CDK11B: variants seen among roughly 807,000 people sequenced by gnomAD.
CDK11B encodes cyclin dependent kinase 11B.
In CDK11B, 37 loss-of-function variants were observed where a neutral mutation model predicts 84.0. The ratio of observed to expected loss-of-function variants is 0.44; its 90% CI spans 0.34 to 0.58. CDK11B has a LOEUF of 0.58. CDK11B is among the 20% of genes least tolerant of loss of function. The pLI is 0.02. For synonymous variants in CDK11B, 269 were observed against 309.8 expected (o/e 0.87, Z 1.38); for missense variants, 427 against 834.0 (o/e 0.51, Z 6.01).
intron 4 of CDK11B, among the ~76,000 whole-genome samples, chr1:1,650,394 C>T (rs1641830868): frequency 8.3e-6 from 1 of 121,116 alleles, no homozygotes; most frequent in Non-Finnish European, 1.6e-5. Context: ...GAGATGGAGT[C>T]TTGCTCTGTC....
rs1491143452 is a variant in CDK11B, at chr1:1,654,660, T to TC, written c.227+708dup. The stretch of plus-strand genomic sequence containing the variant: ...CTTTATTTGTGCAAAATCTTTTTTT[T>TC]CCTTTTTTTTTTTTTAGAGGCGGGG... On this transcript the variant is annotated intron_variant, in intron 3 of 19. Coordinates refer to ENST00000341832, the MANE Select transcript of CDK11B (RefSeq NM_033486.3). Among the ~76,000 whole-genome samples, 8 of 129,052 alleles carry TC rather than the reference T, an allele frequency of 6.2e-5. No individual in the cohort carries two copies. The East Asian group carries it at 1.4e-3, about 23-fold the overall frequency. The allele number at this position is 129,052 out of a possible 152,430, so 84.7% of individuals were successfully genotyped here. A position where few individuals can be genotyped will look rare whatever the true frequency, so the allele number is the denominator to read the frequency against.
At chr1:1,638,846 A>G (rs1226926609) in intron 11 of CDK11B, among the ~76,000 whole-genome samples, 1 of 152,004 alleles carries the variant, frequency 6.6e-6, no homozygotes, top group African/African-American at 2.4e-5. Flanking sequence ...CAGGCCTGTA[A>G]TTCCAGCACT....
chr1:1,654,393 T>C (rs966896916), intron 3 of CDK11B, among the ~76,000 whole-genome samples: 3 of 152,338 alleles, frequency 2.0e-5, no homozygotes, highest in Admixed American at 6.5e-5. Context: ...ACCCTGATGA[T>C]GACCATGAGG....
intron 1 of CDK11B, among the ~76,000 whole-genome samples, chr1:1,658,179 A>C (rs1320156315): frequency 1.5e-4 from 23 of 149,932 alleles, no homozygotes; most frequent in Admixed American, 9.8e-4. Context: ...AGAAAAAAAA[A>C]CAAGAATGAT....
chr1:1,641,337 C>T (rs568745036), intron 9 of CDK11B, among the ~76,000 whole-genome samples: 3 of 147,670 alleles, frequency 2.0e-5, no homozygotes, highest in Admixed American at 1.3e-4. Context: ...GGTGAAACCC[C>T]GTCTCGACTA....
intron 6 of CDK11B, 39 bp downstream of exon 6, chr1:1,645,087 C>G (rs1375074940): frequency 1.1e-6 from 1 of 886,540 alleles, no homozygotes; most frequent in South Asian, 1.6e-5. Flanking sequence ...GCAGCAGACA[C>G]GCGTCCCGCC....
chr1:1,653,904 G>A (rs1484547986), intron 3 of CDK11B, among the ~76,000 whole-genome samples: 1 of 151,254 alleles, frequency 6.6e-6, no homozygotes. Context: ...AGCTACTCAG[G>A]AGTCTGAGGC....
intron 10 of CDK11B, among the ~76,000 whole-genome samples, chr1:1,640,800 C>T (rs1429944412): frequency 1.3e-5 from 2 of 152,198 alleles, no homozygotes; most frequent in Non-Finnish European, 2.9e-5. Flanking sequence ...GACGGGCCTC[C>T]CCTGTGGGGA....
chr1:1,640,795 G>T (rs1640170601), intron 10 of CDK11B, among the ~76,000 whole-genome samples: 2 of 152,198 alleles, frequency 1.3e-5, no homozygotes, highest in Admixed American at 1.3e-4. Flanking sequence ...CATCTGACGG[G>T]CCTCCCCTGT....
At position 1,640,337 on chromosome 1, in the gene CDK11B, G is replaced by A. The variant is rs1167973320; in HGVS notation, c.1191C>T (p.Ser397=). 2.5e-6 allele frequency: 4 copies of A among 1,613,714 alleles called. No individual in the cohort carries two copies. The highest frequency in any genetic ancestry group is 2.2e-5 in the South Asian group (2 of 91,072). Residue 397 remains serine, a synonymous_variant, in exon 11 of 20, where the codon TCC becomes TCT. Transcript: ENST00000341832. ...ALTEGDYVPD[S]PALSPIELKQ... ...TGAGCTCGATGGGCGACAGGGCAGGGGAGTCGGGCACATAGTCGCCCTCTG... is the reference window on the plus strand; with the variant it reads ...TGAGCTCGATGGGCGACAGGGCAGGAGAGTCGGGCACATAGTCGCCCTCTG...
chr1:1,647,741 C>T (rs1412260742), intron 5 of CDK11B, among the ~76,000 whole-genome samples: 2 of 152,244 alleles, frequency 1.3e-5, no homozygotes, highest in Non-Finnish European at 2.9e-5. Context: ...CACAGCTGCT[C>T]CCAACCACAC....
At chr1:1,646,555 A>C in intron 5 of CDK11B, 1 of 518,298 alleles carries the variant, frequency 1.9e-6, no homozygotes, top group Admixed American at 1.9e-5. Flanking sequence ...CTAAGATGTG[A>C]GGAGAGATAG....
At chr1:1,646,452 A>G in intron 5 of CDK11B, 1 of 519,896 alleles carries the variant, frequency 1.9e-6, no homozygotes. Context: ...GTTGTAACAC[A>G]GCTTTATTCC....
chr1:1,652,501 T>A lies in CDK11B; in HGVS notation c.293A>T (p.His98Leu). 6.6e-7 allele frequency: 1 copy of A among 1,513,772 alleles called. No homozygotes were observed. The highest frequency in any genetic ancestry group is 1.4e-5 in the African/African-American group (1 of 69,090). The allele number at this position is 1,513,772 out of a possible 1,614,324, so 93.8% of individuals were successfully genotyped here. The change falls in exon 4 of 20, where the codon CAT (histidine) becomes CTT (leucine). Residue 98 changes from histidine to leucine, a missense_variant. His to Leu is a moderately conservative substitution (Grantham distance 99, BLOSUM62 -3). Transcript: ENST00000341832. ...TTTTCTCTTTTCATCTTTTCTGTGA[T>A]GAGCTTTTTCTTTCCGAGACATTTG... The part of the protein sequence containing the change: ...PQQMSRKEKA[H>L]HRKDEKRKEK...
chr1:1,640,277 C>A lies in CDK11B; in HGVS notation c.1251G>T (p.Gln417His). ...GCCCGGGGCGAGGGGAGGGCCTGAC[C>A]TGCAGGGCCGGCAGGTACTTGGGCA... ...QELPKYLPAL[Q>H]GCRSVEEFQC... Residue 417 changes from glutamine (Q) to histidine (H), a missense_variant and splice_region_variant, in exon 11 of 20, where the codon CAG becomes CAT. Around this residue, in one of 12 missense-constraint regions of CDK11B, gnomAD observed 43 missense variants for 61.8 expected, o/e 0.70. Transcript: ENST00000341832. The A allele has an allele frequency of 6.2e-7, 1 of 1,613,366 alleles. No individual in the cohort carries two copies. Among genetic ancestry groups the A allele is most frequent in the Non-Finnish European group, 8.5e-7 (1 of 1,179,596 alleles).
chr1:1,658,566 T>G (rs1361141979), intron 1 of CDK11B, among the ~76,000 whole-genome samples: 2 of 143,838 alleles, frequency 1.4e-5, no homozygotes, highest in Non-Finnish European at 3.1e-5. Context: ...AAAGACCGCT[T>G]GGACTACGTG....
In CDK11B at chr1:1,650,045, G is replaced by C. The variant is rs1374015316; in HGVS notation, c.356-408C>G. 1.5e-4 allele frequency among the ~76,000 whole-genome samples: 23 copies of C among 151,066 alleles called. 1 individual carries two copies. In the South Asian group the frequency reaches 3.8e-3, roughly 25 times the overall value. On this transcript the variant is annotated intron_variant, in intron 4 of 19. Transcript: ENST00000341832. ...TTCCAGCACTCTGGGAGGCCGAGGT[G>C]GGCGGATCACAAGGTCAGATCGGGA...
At chr1:1,647,474 A>C (rs1277901811) in intron 5 of CDK11B, among the ~76,000 whole-genome samples, 1 of 152,228 alleles carries the variant, frequency 6.6e-6, no homozygotes, top group African/African-American at 2.4e-5. Context: ...CCTAGGGGTC[A>C]CCACCATGGC....
chr1:1,636,299 G>A lies in CDK11B; in HGVS notation c.2066+34C>T, dbSNP rs538204191. On this transcript the variant is annotated intron_variant, in intron 18 of 19. Transcript: ENST00000341832. ...GACTGGGAAGTCACCGCTATGGCTC[G>A]GGACCTCCCGCCACCCGGCTGCACT... 9.2e-4 allele frequency: 1,416 copies of A among 1,533,002 alleles called. No individual in the cohort carries two copies. The African/African-American group carries it at 0.017, about 18-fold the overall frequency. 95.0% of individuals were successfully genotyped at this position (1,533,002 alleles called of 1,614,324 possible). A position where few individuals can be genotyped will look rare whatever the true frequency, so the allele number is the denominator to read the frequency against.
Sources: gnomAD v4.1 joint callset for allele counts (sites outside exome capture counted in the v4.1 genomes callset) on GRCh38, gnomAD v4.1.1 for gene constraint, gnomAD v4.1.1 regional missense constraint, MANE v1.5 for transcripts, NCBI Gene and HGNC (gene_info 2026-07-23, HGNC 2026-07-21) for gene names.